Variants in IL1RAPL1 observed in about 807,000 individuals in gnomAD.
The protein encoded by IL1RAPL1 is interleukin-1 receptor accessory protein-like 1.
Under a neutral mutation model 48.4 loss-of-function variants are expected in IL1RAPL1, and 3 were observed. The observed-to-expected ratio is 0.06, with a 90% CI of 0.03 to 0.16. IL1RAPL1 has a LOEUF of 0.16. IL1RAPL1 is among the 10% of genes least tolerant of loss of function. IL1RAPL1 has a pLI of 1.00. For missense variants in IL1RAPL1, 349 were observed against 530.6 expected, an observed-to-expected ratio of 0.66 and a Z score of 3.36; for synonymous variants, 185 against 187.7, an observed-to-expected ratio of 0.99 and a Z score of 0.12.
At chrX:29,121,138 A>C (rs761491402) in intron 2 of IL1RAPL1, among the ~76,000 whole-genome samples, 5 of 112,092 alleles carry the variant, frequency 4.5e-5, no homozygotes, top group Non-Finnish European at 9.4e-5. Flanking sequence ...GTCATAGTTA[A>C]TGGTGAGAAA....
intron 6 of IL1RAPL1, among the ~76,000 whole-genome samples, chrX:29,776,635 G>C (rs2147154315): frequency 9.0e-6 from 1 of 111,695 alleles, no homozygotes; most frequent in African/African-American, 3.2e-5. Flanking sequence ...AATGCAGGCT[G>C]GGGCAGAGAA....
chrX:29,442,588 G>T (rs992603542), intron 5 of IL1RAPL1, among the ~76,000 whole-genome samples: 1 of 112,090 alleles, frequency 8.9e-6, no homozygotes, highest in Non-Finnish European at 1.9e-5. Flanking sequence ...GCATGTGGTG[G>T]CTCATGCTTG....
intron 2 of IL1RAPL1, among the ~76,000 whole-genome samples, chrX:28,794,472 TCA>T (rs1289655920): frequency 1.8e-5 from 2 of 111,694 alleles, no homozygotes; most frequent in Non-Finnish European, 3.8e-5. Context: ...AAAAAAGTAT[TCA>T]CAGTTATTAG....
At chrX:29,430,593 A>ATGTG (rs1190938424) in intron 5 of IL1RAPL1, among the ~76,000 whole-genome samples, 1 of 50,808 alleles carries the variant, frequency 2.0e-5, no homozygotes, top group Non-Finnish European at 3.8e-5. Flanking sequence ...ATATATATAT[A>ATGTG]TGTGTGTGTG....
chrX:29,164,308 T>A (rs1929743936), intron 2 of IL1RAPL1, among the ~76,000 whole-genome samples: 1 of 111,651 alleles, frequency 9.0e-6, no homozygotes, highest in Non-Finnish European at 1.9e-5. Flanking sequence ...TCATTTTGTA[T>A]CCCCAGATCC....
intron 5 of IL1RAPL1, among the ~76,000 whole-genome samples, chrX:29,660,585 G>C (rs1167531075): frequency 8.9e-6 from 1 of 111,956 alleles, no homozygotes; most frequent in Non-Finnish European, 1.9e-5. Context: ...TTATTAAAGA[G>C]ACTATCCTTT....
intron 2 of IL1RAPL1, among the ~76,000 whole-genome samples, chrX:29,032,456 T>G (rs1926640118): frequency 9.0e-6 from 1 of 111,720 alleles, no homozygotes; most frequent in Non-Finnish European, 1.9e-5. Context: ...TGCTAACAGC[T>G]ATCTTATAAT....
intron 3 of IL1RAPL1, among the ~76,000 whole-genome samples, chrX:29,288,719 C>G (rs1932325878): frequency 8.9e-6 from 1 of 112,145 alleles, no homozygotes; most frequent in African/African-American, 3.2e-5. Context: ...GTTTCTATAT[C>G]TTTGAGGAAT....
intron 1 of IL1RAPL1, among the ~76,000 whole-genome samples, chrX:28,768,563 C>A (rs1294855133): frequency 9.3e-6 from 1 of 107,837 alleles, no homozygotes; most frequent in Non-Finnish European, 1.9e-5. Context: ...CAATTTTATT[C>A]TGTGATTAGA....
chrX:29,613,730 T>TC lies in IL1RAPL1; in HGVS notation c.704-54700_704-54699insC, dbSNP rs1569128067. 2.4e-3 allele frequency among the ~76,000 whole-genome samples: 235 copies of TC among 96,355 alleles called. 3 individuals carry two copies. The highest frequency in any genetic ancestry group is 8.7e-3 in the African/African-American group (224 of 25,757). The allele number at this position is 96,355 out of a possible 115,157, so 83.7% of individuals were successfully genotyped here. A position where few individuals can be genotyped will look rare whatever the true frequency, so the allele number is the denominator to read the frequency against. ...TTTTTTTCGTGTGTGTGTGTGTGTGTGTGTGTGTGTGTGTGTGTGTGTGTG... is the reference window on the plus strand; with the variant it reads ...TTTTTTTCGTGTGTGTGTGTGTGTGTCGTGTGTGTGTGTGTGTGTGTGTGTG... On this transcript the variant is annotated intron_variant, in intron 5 of 10. Transcript: ENST00000378993.
intron 1 of IL1RAPL1, among the ~76,000 whole-genome samples, chrX:28,737,920 A>G (rs1935863334): frequency 9.0e-6 from 1 of 110,938 alleles, no homozygotes; most frequent in Non-Finnish European, 1.9e-5. Flanking sequence ...TACTGTTCAC[A>G]TTCAAGTGGA....
intron 5 of IL1RAPL1, among the ~76,000 whole-genome samples, chrX:29,514,608 C>T (rs1935426610): frequency 9.0e-6 from 1 of 111,720 alleles, no homozygotes; most frequent in South Asian, 3.7e-4. Context: ...ACCACCACGC[C>T]CGGCTAATTT....
At chrX:29,510,723 A>T (rs1383701520) in intron 5 of IL1RAPL1, among the ~76,000 whole-genome samples, 1 of 111,400 alleles carries the variant, frequency 9.0e-6, no homozygotes, top group East Asian at 2.8e-4. Flanking sequence ...CTTAGGTCTT[A>T]CTACCCTCCA....
At chrX:28,966,584 T>C (rs1251115456) in intron 2 of IL1RAPL1, among the ~76,000 whole-genome samples, 1 of 112,028 alleles carries the variant, frequency 8.9e-6, no homozygotes, top group African/African-American at 3.2e-5. Flanking sequence ...GGAGCGATTT[T>C]AAAGCCTTTC....
At chrX:29,837,272 A>AAAATATATATATATATAT (rs1447926305) in intron 6 of IL1RAPL1, among the ~76,000 whole-genome samples, 1 of 72,126 alleles carries the variant, frequency 1.4e-5, no homozygotes, top group Admixed American at 1.7e-4. Flanking sequence ...AAAAAAAAAA[A>AAAATATATATATATATAT]ATATATATAT....
chrX:29,310,033 G>A (rs1438365127), intron 3 of IL1RAPL1, among the ~76,000 whole-genome samples: 1 of 91,653 alleles, frequency 1.1e-5, no homozygotes, highest in Non-Finnish European at 2.1e-5. Flanking sequence ...GGCAGAGCTT[G>A]CAGTGAGCCG....
intron 6 of IL1RAPL1, among the ~76,000 whole-genome samples, chrX:29,714,294 T>G (rs1927426579): frequency 1.8e-5 from 2 of 112,179 alleles, no homozygotes; most frequent in South Asian, 3.7e-4. Context: ...CTTCTTCACC[T>G]CCTGTCTTCC....
intron 2 of IL1RAPL1, among the ~76,000 whole-genome samples, chrX:28,804,371 A>G (rs745602963): frequency 2.7e-5 from 3 of 111,832 alleles, no homozygotes; most frequent in Non-Finnish European, 5.7e-5. Context: ...TTACTTTCCT[A>G]TTGTAGCTGT....
intron 2 of IL1RAPL1, among the ~76,000 whole-genome samples, chrX:29,087,224 G>A (rs895818300): frequency 2.0e-5 from 2 of 100,930 alleles, no homozygotes; most frequent in African/African-American, 3.7e-5. Context: ...TGCAACCTAC[G>A]CCTCCTGGGT....
Sources: gnomAD v4.1 joint callset for allele counts (sites outside exome capture counted in the v4.1 genomes callset) on GRCh38, gnomAD v4.1.1 for gene constraint, MANE v1.5 for transcripts, NCBI Gene and HGNC (gene_info 2026-07-23, HGNC 2026-07-21) for gene names.